Variants in SV2C observed in about 807,000 individuals in gnomAD.
The protein encoded by SV2C is synaptic vesicle glycoprotein 2C, also known as solute carrier family 22 member B3.
A neutral mutation model predicts 79.7 loss-of-function variants in SV2C; 49 were observed. That is an observed-to-expected ratio of 0.61 (90% CI 0.49 to 0.78). The LOEUF (loss-of-function observed/expected upper bound fraction) is 0.78, where lower values mean the gene tolerates loss of function less well. SV2C is among the 30% of genes least tolerant of loss of function. The pLI, the probability that SV2C is intolerant of heterozygous loss-of-function variation, is 0.00. For synonymous variants in SV2C, 334 were observed against 333.2 expected, an observed-to-expected ratio of 1.00 and a Z score of -0.03; for missense variants, 833 against 912.9, an observed-to-expected ratio of 0.91 and a Z score of 1.13.
At chr5:76,029,823 TA>T in the SV2C span, among the ~76,000 whole-genome samples, 2 of 152,176 alleles carry the variant, frequency 1.3e-5, no homozygotes, top group East Asian at 3.9e-4. Flanking sequence ...TACTTTGGAA[TA>T]AAAATCAGCA....
At chr5:76,123,932 G>A (rs1359724090) in intron 1 of SV2C, among the ~76,000 whole-genome samples, 1 of 152,098 alleles carries the variant, frequency 6.6e-6, no homozygotes, top group South Asian at 2.1e-4. Flanking sequence ...GTATGATATG[G>A]TCTAAATTAA....
intron 1 of SV2C, among the ~76,000 whole-genome samples, chr5:76,114,185 C>T (rs1024548403): frequency 1.3e-5 from 2 of 152,176 alleles, no homozygotes; most frequent in African/African-American, 4.8e-5. Context: ...CAGTAAGTCC[C>T]TGATGCCTCC....
At chr5:76,305,353 T>A (rs543995532) in intron 12 of SV2C, among the ~76,000 whole-genome samples, 28 of 152,294 alleles carry the variant, frequency 1.8e-4, no homozygotes, top group South Asian at 6.2e-4. Flanking sequence ...CTACTCAGAG[T>A]CTACCATGAA....
chr5:75,974,064 GT>G, the SV2C span, among the ~76,000 whole-genome samples: 4 of 151,826 alleles, frequency 2.6e-5, no homozygotes, highest in Non-Finnish European at 5.9e-5. Flanking sequence ...TTCACTTTTT[GT>G]ATTCTTGTCA....
At chr5:75,852,482 TA>T in the SV2C span, among the ~76,000 whole-genome samples, 3 of 152,054 alleles carry the variant, frequency 2.0e-5, no homozygotes, top group Admixed American at 2.0e-4. Context: ...CAATGCAAGG[TA>T]AAAAGATAAT....
chr5:76,121,069 G>T (rs1283199845), intron 1 of SV2C, among the ~76,000 whole-genome samples: 1 of 150,492 alleles, frequency 6.6e-6, no homozygotes, highest in Non-Finnish European at 1.5e-5. Context: ...TCTAACTGGT[G>T]TGAGATGGTA....
At chr5:76,313,386 CA>C in intron 12 of SV2C, among the ~76,000 whole-genome samples, 1 of 152,150 alleles carries the variant, frequency 6.6e-6, no homozygotes, top group African/African-American at 2.4e-5. Context: ...GGCTATCCAG[CA>C]AAAGTCAGAT....
chr5:76,134,906 A>G (rs1417378287), intron 2 of SV2C, among the ~76,000 whole-genome samples: 1 of 152,238 alleles, frequency 6.6e-6, no homozygotes, highest in East Asian at 1.9e-4. Context: ...AGGACAAAAA[A>G]GAGAGGCAAG....
intron 2 of SV2C, among the ~76,000 whole-genome samples, chr5:76,183,821 T>C (rs879287954): frequency 2.0e-5 from 3 of 152,202 alleles, no homozygotes; most frequent in Admixed American, 2.0e-4. Flanking sequence ...TGCCTTTTAC[T>C]TGGAGGCTTC....
the SV2C span, among the ~76,000 whole-genome samples, chr5:75,975,746 G>A: frequency 1.2e-4 from 18 of 152,266 alleles, no homozygotes; most frequent in Non-Finnish European, 1.8e-4. Flanking sequence ...AATAGAGATG[G>A]GATTAGAGTG....
the SV2C span, chr5:76,075,703 GA>G: frequency 2.8e-6 from 1 of 360,270 alleles, no homozygotes; most frequent in East Asian, 9.2e-5. Flanking sequence ...AGTCTACCCA[GA>G]AGCTAGAAAG....
the SV2C span, among the ~76,000 whole-genome samples, chr5:75,902,555 C>T: frequency 6.6e-6 from 1 of 152,144 alleles, no homozygotes; most frequent in East Asian, 1.9e-4. Flanking sequence ...TGTTCTTATC[C>T]TTCGGGGTTG....
chr5:75,898,745 A>C, the SV2C span, among the ~76,000 whole-genome samples: 41 of 152,150 alleles, frequency 2.7e-4, no homozygotes, highest in Non-Finnish European at 5.0e-4. Flanking sequence ...ACAATTTCAG[A>C]TCCTGTTATT....
chr5:76,070,449 TC>T, the SV2C span, among the ~76,000 whole-genome samples: 3 of 152,190 alleles, frequency 2.0e-5, no homozygotes, highest in Non-Finnish European at 4.4e-5. Context: ...CACTTCAGTC[TC>T]TTCTTCTCCC....
chr5:76,209,747 C>A lies in SV2C; in HGVS notation c.773C>A (p.Ala258Asp). Residue 258 changes from alanine (A) to aspartate (D), a missense_variant, in exon 4 of 13, where the codon GCC (alanine) becomes GAC (aspartate). Coordinates refer to ENST00000502798, the MANE Select transcript of SV2C (RefSeq NM_014979.4). ...GTACCTCTTGGCAGGATTGGAGGAG[C>A]CATACCCACTGTGTTCTCGTACTTT... ...RLLSGFGIGG[A>D]IPTVFSYFAE... 1 of 1,614,016 alleles carries A rather than the reference C, an allele frequency of 6.2e-7. No individual in the cohort carries two copies. Among genetic ancestry groups the A allele is most frequent in the South Asian group, 1.1e-5 (1 of 91,060 alleles).
intron 2 of SV2C, among the ~76,000 whole-genome samples, chr5:76,162,488 G>A (rs2112251641): frequency 6.6e-6 from 1 of 152,314 alleles, no homozygotes; most frequent in South Asian, 2.1e-4. Context: ...TTTCTCAAGA[G>A]TTGGGTTACC....
chr5:76,215,898 G>A (rs1437960356), intron 4 of SV2C, among the ~76,000 whole-genome samples: 14 of 151,566 alleles, frequency 9.2e-5, no homozygotes, highest in Admixed American at 4.6e-4. Flanking sequence ...GGGTGTCGCC[G>A]TTTAGTAATT....
chr5:76,142,903 C>CTTTTTTTTTTTTTTTTTTTTTTT (rs372569739), intron 2 of SV2C, among the ~76,000 whole-genome samples: 14 of 134,560 alleles, frequency 1.0e-4, no homozygotes, highest in South Asian at 2.5e-4. Context: ...TTTTCTTTTC[C>CTTTTTTTTTTTTTTTTTTTTTTT]TTTTTTTTTG....
the SV2C span, among the ~76,000 whole-genome samples, chr5:75,966,554 C>A: frequency 1.3e-5 from 2 of 152,190 alleles, no homozygotes; most frequent in Admixed American, 1.3e-4. Context: ...AATGCTACAG[C>A]AACACCCAGA....
Sources: gnomAD v4.1 joint callset for allele counts (sites outside exome capture counted in the v4.1 genomes callset) on GRCh38, gnomAD v4.1.1 for gene constraint, MANE v1.5 for transcripts, NCBI Gene and HGNC (gene_info 2026-07-23, HGNC 2026-07-21) for gene names.